FOXP2: variants seen among roughly 807,000 people sequenced by gnomAD.
FOXP2 encodes forkhead box protein P2.
Under a neutral mutation model 115.8 loss-of-function variants are expected in FOXP2, and 12 were observed. The ratio of observed to expected loss-of-function variants is 0.10; its 90% CI spans 0.07 to 0.17. FOXP2 has a LOEUF of 0.17. Among genes scored for constraint, FOXP2 ranks in the 10% least tolerant of loss-of-function variants. The pLI, the probability that FOXP2 is intolerant of heterozygous loss-of-function variation, is 1.00. For missense variants in FOXP2, 629 were observed against 843.5 expected, an observed-to-expected ratio of 0.75 and a Z score of 3.15; for synonymous variants, 328 against 297.7, an observed-to-expected ratio of 1.10 and a Z score of -1.05.
At chr7:114,221,072 A>G (rs1794610048) in intron 1 of FOXP2, among the ~76,000 whole-genome samples, 1 of 152,134 alleles carries the variant, frequency 6.6e-6, no homozygotes, top group Non-Finnish European at 1.5e-5. Flanking sequence ...TACAAACAGT[A>G]TTTTAAATAT....
At chr7:114,127,433 G>A (rs999008425) in intron 1 of FOXP2, among the ~76,000 whole-genome samples, 26 of 152,152 alleles carry the variant, frequency 1.7e-4, no homozygotes, top group Non-Finnish European at 1.0e-4. Flanking sequence ...CTACCACAAT[G>A]CCTAAAATTT....
intron 2 of FOXP2, among the ~76,000 whole-genome samples, chr7:114,531,935 G>C (rs1799162446): frequency 1.3e-5 from 2 of 151,876 alleles, no homozygotes; most frequent in African/African-American, 2.4e-5. Flanking sequence ...TTGATTACAT[G>C]GGTTATGTTG....
intron 3 of FOXP2, among the ~76,000 whole-genome samples, chr7:114,600,657 G>A (rs1168345525): frequency 6.6e-6 from 1 of 152,186 alleles, no homozygotes; most frequent in Non-Finnish European, 1.5e-5. Context: ...CCACCTCCTT[G>A]TCAGCATTTG....
At chr7:114,190,016 T>A (rs949478648) in intron 1 of FOXP2, among the ~76,000 whole-genome samples, 1 of 152,196 alleles carries the variant, frequency 6.6e-6, no homozygotes, top group Non-Finnish European at 1.5e-5. Context: ...GCCTATGTAC[T>A]CACTTGATGC....
intron 2 of FOXP2, among the ~76,000 whole-genome samples, chr7:114,387,312 T>TA (rs1474957073): frequency 6.6e-6 from 1 of 152,202 alleles, no homozygotes; most frequent in African/African-American, 2.4e-5. Context: ...AATATTTGGT[T>TA]AAAAAATATT....
chr7:114,194,516 C>T (rs142008807), intron 1 of FOXP2, among the ~76,000 whole-genome samples: 1 of 152,010 alleles, frequency 6.6e-6, no homozygotes, highest in African/African-American at 2.4e-5. Flanking sequence ...CATGCTTACC[C>T]AAACTGAATT....
intron 1 of FOXP2, among the ~76,000 whole-genome samples, chr7:114,264,225 C>G (rs1795837907): frequency 6.6e-6 from 1 of 152,160 alleles, no homozygotes; most frequent in Non-Finnish European, 1.5e-5. Context: ...TGTCATTACT[C>G]TGATGACTAA....
At chr7:114,274,640 G>T (rs1212942770) in intron 1 of FOXP2, among the ~76,000 whole-genome samples, 16 of 108,978 alleles carry the variant, frequency 1.5e-4, no homozygotes, top group Non-Finnish European at 2.4e-4. Flanking sequence ...TTTGAGGCAG[G>T]ATCTTACTCT....
intron 1 of FOXP2, among the ~76,000 whole-genome samples, chr7:114,224,148 T>G (rs1006420704): frequency 2.0e-5 from 3 of 152,150 alleles, no homozygotes; most frequent in Non-Finnish European, 2.9e-5. Context: ...TGGACTTAAT[T>G]TTCTTCTATT....
chr7:114,324,239 GTC>G lies in FOXP2; in HGVS notation c.-11+36134_-11+36135del, dbSNP rs1159266642. On this transcript the variant is annotated intron_variant, in intron 2 of 17. Transcript: ENST00000634411. ...TTTTCACTTCTTTGACCATATCCCA[GTC>G]TCTTTTTATGTACAGATACCATATT... is the stretch of plus-strand genomic sequence containing the variant. Among the ~76,000 whole-genome samples the G allele has an allele frequency of 4.0e-5, 6 of 151,540 alleles. No individual in the cohort carries two copies. In the South Asian group the frequency reaches 1.0e-3, roughly 26 times the overall value.
chr7:114,511,027 G>GA (rs1659514433), intron 2 of FOXP2, among the ~76,000 whole-genome samples: 1 of 152,082 alleles, frequency 6.6e-6, no homozygotes, highest in African/African-American at 2.4e-5. Flanking sequence ...ATGCAGCCAT[G>GA]AAAAAGGATG....
intron 1 of FOXP2, among the ~76,000 whole-genome samples, chr7:114,228,160 G>A (rs758372622): frequency 2.0e-5 from 3 of 151,830 alleles, no homozygotes; most frequent in East Asian, 1.9e-4. Context: ...CAAATTAGAG[G>A]GTAAACTTCA....
At chr7:114,459,529 C>T (rs533175270) in intron 2 of FOXP2, among the ~76,000 whole-genome samples, 4 of 152,252 alleles carry the variant, frequency 2.6e-5, no homozygotes, top group African/African-American at 2.4e-5. Flanking sequence ...TCTAGATTTC[C>T]GAATAAGGTT....
intron 3 of FOXP2, among the ~76,000 whole-genome samples, chr7:114,550,628 G>T (rs1297960955): frequency 6.6e-6 from 1 of 152,164 alleles, no homozygotes; most frequent in Non-Finnish European, 1.5e-5. Flanking sequence ...ATATACATAT[G>T]CATGAGACTC....
At chr7:114,104,288 C>T (rs1193053182) in intron 1 of FOXP2, among the ~76,000 whole-genome samples, 3 of 151,380 alleles carry the variant, frequency 2.0e-5, no homozygotes, top group Non-Finnish European at 4.4e-5. Context: ...ACAGGCAAGG[C>T]TGTGGTTTTG....
intron 3 of FOXP2, among the ~76,000 whole-genome samples, chr7:114,601,909 G>A (rs1044322856): frequency 6.6e-6 from 1 of 151,912 alleles, no homozygotes; most frequent in Admixed American, 6.6e-5. Flanking sequence ...TAGAAAAAAA[G>A]TATATATTTG....
chr7:114,648,272 C>T (rs1156352886), intron 8 of FOXP2, among the ~76,000 whole-genome samples: 1 of 151,992 alleles, frequency 6.6e-6, no homozygotes, highest in African/African-American at 2.4e-5. Flanking sequence ...ACAGTGCCCC[C>T]CCATCTCTGA....
At chr7:114,616,195 C>G (rs1253913572) in intron 3 of FOXP2, among the ~76,000 whole-genome samples, 1 of 151,740 alleles carries the variant, frequency 6.6e-6, no homozygotes, top group African/African-American at 2.4e-5. Flanking sequence ...TGGAGCCTAG[C>G]TCTTTTGCCC....
chr7:114,385,650 T>C (rs761887285), intron 2 of FOXP2, among the ~76,000 whole-genome samples: 41 of 152,206 alleles, frequency 2.7e-4, no homozygotes, highest in Non-Finnish European at 5.9e-5. Flanking sequence ...ACCATGCTAA[T>C]CATTTTTAAC....
Sources: allele counts gnomAD v4.1 joint callset (sites outside exome capture counted in the v4.1 genomes callset), GRCh38; gene constraint gnomAD v4.1.1; transcripts MANE v1.5; gene names NCBI Gene and HGNC (gene_info 2026-07-23, HGNC 2026-07-21).